UBE2W: variants seen among roughly 807,000 people sequenced by gnomAD.
UBE2W encodes ubiquitin conjugating enzyme E2 W.
UBE2W carries 18 observed loss-of-function variants against 27.2 expected under a neutral mutation model. The observed-to-expected ratio is 0.66, with a 90% CI of 0.46 to 0.98. The LOEUF (loss-of-function observed/expected upper bound fraction) is 0.98. Among genes scored for constraint, UBE2W ranks in the 50% least tolerant of loss-of-function variants. The pLI, the probability that UBE2W is intolerant of heterozygous loss-of-function variation, is 0.00. For missense variants in UBE2W, 90 were observed against 180.2 expected, an observed-to-expected ratio of 0.50 and a Z score of 2.87; for synonymous variants, 53 against 57.2, an observed-to-expected ratio of 0.93 and a Z score of 0.33.
chr8:73,844,755 C>T (rs923714516), intron 1 of UBE2W, among the ~76,000 whole-genome samples: 1 of 151,230 alleles, frequency 6.6e-6, no homozygotes, highest in East Asian at 2.0e-4. Flanking sequence ...ACCTCTGCCC[C>T]GCCGCCCCAT....
chr8:73,833,332 A>G (rs1810165669), intron 1 of UBE2W, among the ~76,000 whole-genome samples: 2 of 151,850 alleles, frequency 1.3e-5, no homozygotes, highest in Admixed American at 6.5e-5. Context: ...CGAGAATGAA[A>G]TAAGAAAAAA....
At chr8:73,874,399 T>A (rs186873225) in intron 1 of UBE2W, among the ~76,000 whole-genome samples, 75 of 152,262 alleles carry the variant, frequency 4.9e-4, no homozygotes, top group African/African-American at 1.8e-3. Flanking sequence ...ACCACTGCAC[T>A]CCAGCCTGGG....
chr8:73,811,539 T>A (rs970614871), intron 3 of UBE2W, among the ~76,000 whole-genome samples: 5 of 150,646 alleles, frequency 3.3e-5, no homozygotes, highest in South Asian at 4.1e-4. Flanking sequence ...TAGCAGTAAT[T>A]CCTAATTCCT....
At chr8:73,798,234 C>A (rs1375459484) in intron 5 of UBE2W, among the ~76,000 whole-genome samples, 2 of 152,094 alleles carry the variant, frequency 1.3e-5, no homozygotes, top group Non-Finnish European at 2.9e-5. Flanking sequence ...GAAGTTGAGG[C>A]TGCAATGAGC....
intron 3 of UBE2W, among the ~76,000 whole-genome samples, chr8:73,811,106 G>A (rs1809132561): frequency 6.6e-6 from 1 of 152,026 alleles, no homozygotes. Context: ...ATGTGCAAAG[G>A]GAAATGACTG....
At chr8:73,842,033 A>G (rs1463329509) in intron 1 of UBE2W, among the ~76,000 whole-genome samples, 1 of 152,200 alleles carries the variant, frequency 6.6e-6, no homozygotes, top group East Asian at 1.9e-4. Flanking sequence ...TGGTGGCCTC[A>G]AAGCAACCAG....
chr8:73,850,478 A>G (rs772457061), intron 1 of UBE2W, among the ~76,000 whole-genome samples: 1 of 152,174 alleles, frequency 6.6e-6, no homozygotes, highest in Admixed American at 6.5e-5. Context: ...ATCAAATGTG[A>G]TAGTTTATAC....
rs990193332 is a variant in UBE2W at position 73,793,950 on chromosome 8, G to A, written c.*152C>T. On this transcript the variant is annotated 3_prime_UTR_variant, in exon 6 of 6. Transcript: ENST00000602593. ...TGAACCAGCGATCAACATGCGCCCA[G>A]AATGCACACGAGTAAAAATGCAGTA... 3.4e-6 allele frequency: 5 copies of A among 1,463,752 alleles called. No homozygotes were observed. Among genetic ancestry groups the A allele is most frequent in the Non-Finnish European group, 3.6e-6 (4 of 1,106,320 alleles). The allele number at this position is 1,463,752 out of a possible 1,614,324, so 90.7% of individuals were successfully genotyped here.
chr8:73,860,148 C>T (rs1281604066), intron 1 of UBE2W, among the ~76,000 whole-genome samples: 5 of 130,938 alleles, frequency 3.8e-5, no homozygotes, highest in South Asian at 2.4e-4. Context: ...GGGCAGGGGG[C>T]GGGGGAAGAA....
chr8:73,788,835 C>T lies in UBE2W; in HGVS notation c.*5267G>A, dbSNP rs1808073582. 9.1e-6 allele frequency: 9 copies of T among 985,234 alleles called. No individual in the cohort carries two copies. The highest frequency in any genetic ancestry group is 1.1e-5 in the Non-Finnish European group (9 of 829,938). 61.0% of individuals were successfully genotyped at this position (985,234 alleles called of 1,614,324 possible). ...GACTAGAACAAGAATTGGATCTCTC[C>T]TTTTCCCAGTCAACTCCTCACTCAC... On this transcript the variant is annotated 3_prime_UTR_variant, in exon 6 of 6. Transcript: ENST00000602593.
At chr8:73,842,039 AC>A (rs1195116074) in intron 1 of UBE2W, among the ~76,000 whole-genome samples, 12 of 152,320 alleles carry the variant, frequency 7.9e-5, no homozygotes, top group African/African-American at 2.9e-4. Context: ...CCTCAAAGCA[AC>A]CAGCAGAAAC....
chr8:73,823,740 A>G (rs989024425), intron 3 of UBE2W, among the ~76,000 whole-genome samples: 1 of 152,230 alleles, frequency 6.6e-6, no homozygotes, highest in Non-Finnish European at 1.5e-5. Context: ...AATAAGTCCT[A>G]AAAGTCTTGG....
intron 1 of UBE2W, among the ~76,000 whole-genome samples, chr8:73,870,063 T>A (rs1563637729): frequency 6.6e-6 from 1 of 152,186 alleles, no homozygotes. Context: ...ATGAAAATGT[T>A]CTGCAAACAG....
At chr8:73,784,773 T>C (rs780302943), downstream of UBE2W, among the ~76,000 whole-genome samples, 1 of 152,138 alleles carries the variant, frequency 6.6e-6, no homozygotes, top group Non-Finnish European at 1.5e-5. Context: ...TCTTGGTGGG[T>C]GGGATGCTGG....
intron 1 of UBE2W, among the ~76,000 whole-genome samples, chr8:73,837,180 G>A (rs1810343134): frequency 6.6e-6 from 1 of 152,176 alleles, no homozygotes. Flanking sequence ...CACATATCCT[G>A]ATTTGAAAGA....
At chr8:73,860,816 G>A (rs958390125) in intron 1 of UBE2W, among the ~76,000 whole-genome samples, 5 of 152,084 alleles carry the variant, frequency 3.3e-5, no homozygotes, top group Admixed American at 6.6e-5. Context: ...AAGACAGGGA[G>A]CTATCAAAAC....
At chr8:73,795,377 C>G (rs1808371755) in intron 5 of UBE2W, among the ~76,000 whole-genome samples, 1 of 152,120 alleles carries the variant, frequency 6.6e-6, no homozygotes, top group Non-Finnish European at 1.5e-5. Context: ...CTCTTGCTCC[C>G]TTCTATTGCC....
chr8:73,833,323 G>A (rs949498370), intron 1 of UBE2W, among the ~76,000 whole-genome samples: 13 of 150,908 alleles, frequency 8.6e-5, no homozygotes, highest in Middle Eastern at 3.5e-3. Flanking sequence ...GCCTTGTGAC[G>A]AGAATGAAAT....
intron 3 of UBE2W, among the ~76,000 whole-genome samples, chr8:73,815,833 A>G (rs1010090345): frequency 3.3e-5 from 5 of 152,246 alleles, no homozygotes; most frequent in Non-Finnish European, 7.3e-5. Flanking sequence ...TTCCAGGGAC[A>G]GTATGAGGAA....
Sources: allele counts gnomAD v4.1 joint callset (sites outside exome capture counted in the v4.1 genomes callset), GRCh38; gene constraint gnomAD v4.1.1; transcripts MANE v1.5; gene names NCBI Gene and HGNC (gene_info 2026-07-23, HGNC 2026-07-21).